Variants in NAV3 observed in about 807,000 individuals in gnomAD.
NAV3 encodes pore membrane and/or filament interacting like protein 1.
In NAV3, 87 loss-of-function variants were observed where a neutral mutation model predicts 244.7. That is an observed-to-expected ratio of 0.36 (90% CI 0.30 to 0.42). NAV3 has a LOEUF of 0.42. Ranked by LOEUF, NAV3 falls within the 20% of genes least tolerant of loss-of-function variation. The pLI is 1.00. For missense variants in NAV3, 2,663 were observed against 2,893.3 expected (o/e 0.92, Z 1.83); for synonymous variants, 1,126 against 1,042.2 (o/e 1.08, Z -1.55).
At chr12:78,091,629 T>C (rs1953940024) in intron 12 of NAV3, 1 of 150,920 alleles carries the variant, frequency 6.6e-6, no homozygotes, top group Non-Finnish European at 1.5e-5. Flanking sequence ...ACCCCGTCTC[T>C]ACTAAAAATA....
chr12:78,096,611 A>G (rs1954264542), intron 12 of NAV3, among the ~76,000 whole-genome samples: 2 of 152,096 alleles, frequency 1.3e-5, no homozygotes, highest in East Asian at 3.9e-4. Flanking sequence ...GTGCAGGGGA[A>G]CTGCTCTCCA....
rs2138574366 is a variant in NAV3, at chr12:78,118,241, C to T, written c.2984C>T (p.Ala995Val). ...GGTTCCTGGAGAAGAGGCATGTCTGCCCAAGGAGGGGCGCCATCTAGGCAG... is the reference window on the plus strand; with the variant it reads ...GGTTCCTGGAGAAGAGGCATGTCTGTCCAAGGAGGGGCGCCATCTAGGCAG... ...QTGSWRRGMS[A>V]QGGAPSRQKA... The change falls in exon 14 of 40, where the codon GCC becomes GTC. Residue 995 changes from alanine (A) to valine (V), a missense_variant. This residue lies in a region of NAV3 where 1,521 missense variants were observed against 1,497.0 expected (regional missense o/e 1.02). Transcript: ENST00000397909. The T allele has an allele frequency of 1.9e-6, 3 of 1,613,074 alleles. No individual in the cohort carries two copies. The South Asian group carries it at 3.3e-5, about 18-fold the overall frequency.
At chr12:77,622,961 A>G (rs1202636599) in intron 2 of NAV3, among the ~76,000 whole-genome samples, 1 of 152,190 alleles carries the variant, frequency 6.6e-6, no homozygotes, top group Non-Finnish European at 1.5e-5. Flanking sequence ...GGTGGTTTTC[A>G]CAGTGACTTT....
At position 77,940,175 on chromosome 12, in the gene NAV3, A is replaced by C. The variant is rs1019973723; in HGVS notation, c.244-144A>C. ...AAGAGCTGTTTAAAAATTACTTTAC[A>C]ACTATTTCCTTTAGAGCTATGACTT... On this transcript the variant is annotated intron_variant, in intron 1 of 39. Coordinates refer to ENST00000397909, the MANE Select transcript of NAV3 (RefSeq NM_001024383.2). 4.2e-5 allele frequency: 27 copies of C among 635,750 alleles called. No homozygotes were observed. In the Admixed American group the frequency reaches 6.3e-4, roughly 15 times the overall value. The allele number at this position is 635,750 out of a possible 1,614,324, so 39.4% of individuals were successfully genotyped here. A position where few individuals can be genotyped will look rare whatever the true frequency, so the allele number is the denominator to read the frequency against.
At chr12:77,696,996 A>G (rs1191491814) in intron 2 of NAV3, among the ~76,000 whole-genome samples, 2 of 152,088 alleles carry the variant, frequency 1.3e-5, no homozygotes, top group Admixed American at 1.3e-4. Flanking sequence ...TCTTGCTGGC[A>G]TGTTCCTTCT....
intron 9 of NAV3, among the ~76,000 whole-genome samples, chr12:78,049,054 C>T (rs1236133036): frequency 6.6e-6 from 1 of 152,200 alleles, no homozygotes; most frequent in East Asian, 1.9e-4. Context: ...TCAGTTATGG[C>T]AGTTGCCCCT....
At chr12:77,960,047 A>C (rs2137812154) in intron 3 of NAV3, among the ~76,000 whole-genome samples, 1 of 151,604 alleles carries the variant, frequency 6.6e-6, no homozygotes, top group Non-Finnish European at 1.5e-5. Flanking sequence ...ACAGTAATGC[A>C]TTAAGCATTG....
intron 2 of NAV3, among the ~76,000 whole-genome samples, chr12:77,650,708 G>A (rs1214164907): frequency 2.0e-5 from 3 of 152,012 alleles, no homozygotes; most frequent in Non-Finnish European, 4.4e-5. Flanking sequence ...TTTCATGGAT[G>A]TTATAAACCT....
chr12:78,002,209 A>G (rs1873431219), intron 7 of NAV3, among the ~76,000 whole-genome samples: 1 of 152,198 alleles, frequency 6.6e-6, no homozygotes, highest in Non-Finnish European at 1.5e-5. Context: ...CAGTTTCTTT[A>G]TTATGATCTA....
At chr12:78,182,430 T>C (rs918251064) in intron 30 of NAV3, among the ~76,000 whole-genome samples, 2 of 151,988 alleles carry the variant, frequency 1.3e-5, no homozygotes, top group Non-Finnish European at 2.9e-5. Flanking sequence ...GGCCAGTACC[T>C]TATAGGTCAG....
chr12:77,633,778 C>A (rs1303485545), intron 2 of NAV3, among the ~76,000 whole-genome samples: 1 of 152,002 alleles, frequency 6.6e-6, no homozygotes, highest in Admixed American at 6.6e-5. Context: ...TATTACTGAT[C>A]GAGTTTGGGA....
At chr12:77,734,093 A>G (rs1877237287) in intron 2 of NAV3, among the ~76,000 whole-genome samples, 1 of 152,008 alleles carries the variant, frequency 6.6e-6, no homozygotes, top group Non-Finnish European at 1.5e-5. Context: ...ATGGAGGAAC[A>G]TTTCAATGGG....
intron 2 of NAV3, among the ~76,000 whole-genome samples, chr12:77,674,031 AACC>A (rs140380259): frequency 0.078 from 11,819 of 152,214 alleles, 628 homozygotes; most frequent in African/African-American, 0.16. Context: ...TCATGAAATG[AACC>A]ATCATTTCCA....
At chr12:77,692,752 A>G (rs1315083389) in intron 2 of NAV3, among the ~76,000 whole-genome samples, 2 of 151,018 alleles carry the variant, frequency 1.3e-5, no homozygotes, top group Non-Finnish European at 2.9e-5. Flanking sequence ...ATAGTGTGCA[A>G]AAATACCTTT....
At chr12:78,140,468 T>G in intron 20 of NAV3, 134 bp downstream of exon 20, 1 of 772,970 alleles carries the variant, frequency 1.3e-6, no homozygotes, top group Non-Finnish European at 2.2e-6. Context: ...AACGGCATAC[T>G]CTAAGCTGCC....
intron 5 of NAV3, among the ~76,000 whole-genome samples, chr12:77,978,837 A>G (rs1033366936): frequency 1.3e-5 from 2 of 151,988 alleles, no homozygotes; most frequent in Non-Finnish European, 2.9e-5. Flanking sequence ...CTCTCAGTCT[A>G]ATAAGATATA....
At chr12:78,191,800 T>C (rs1163226762) in intron 34 of NAV3, among the ~76,000 whole-genome samples, 3 of 152,142 alleles carry the variant, frequency 2.0e-5, no homozygotes, top group Non-Finnish European at 2.9e-5. Flanking sequence ...CCAAAAAATA[T>C]GAAAGGTTTG....
chr12:77,777,639 A>G (rs967128975), intron 2 of NAV3, among the ~76,000 whole-genome samples: 5 of 152,210 alleles, frequency 3.3e-5, no homozygotes, highest in Non-Finnish European at 7.3e-5. Flanking sequence ...TCCCACAGAA[A>G]CTGAAACAGT....
At chr12:78,168,663 C>A in intron 23 of NAV3, 92 bp from the exon 24 acceptor site, 1 of 764,302 alleles carries the variant, frequency 1.3e-6, no homozygotes, top group Non-Finnish European at 2.1e-6. Context: ...GTTGTTACTA[C>A]ATAAAATCAA....
Sources: gnomAD v4.1 joint callset for allele counts (sites outside exome capture counted in the v4.1 genomes callset) on GRCh38, gnomAD v4.1.1 for gene constraint, gnomAD v4.1.1 regional missense constraint, MANE v1.5 for transcripts, NCBI Gene and HGNC (gene_info 2026-07-23, HGNC 2026-07-21) for gene names.